The following BCL2L14 variants were observed in gnomAD, a reference collection of about 807,000 sequenced individuals.
BCL2L14 encodes BCL2 like 14.
In BCL2L14, 27 loss-of-function variants were observed where a neutral mutation model predicts 35.3. The ratio of observed to expected loss-of-function variants is 0.76; its 90% confidence interval spans 0.56 to 1.05. BCL2L14 has a LOEUF of 1.05. Ranked by LOEUF, BCL2L14 falls within the 50% of genes least tolerant of loss-of-function variation. The pLI, the probability that BCL2L14 is intolerant of heterozygous loss-of-function variation, is 0.00. For missense variants in BCL2L14, 377 were observed against 382.6 expected (o/e 0.99, Z 0.12); for synonymous variants, 139 against 145.9 (o/e 0.95, Z 0.34).
intron 5 of BCL2L14, chr12:12,096,211 C>A (rs1328557362): frequency 2.2e-6 from 2 of 915,792 alleles, no homozygotes; most frequent in East Asian, 2.4e-4. Context: ...TTTTAAAAAT[C>A]ATTGTTAGTC....
At chr12:12,053,594 AT>A (rs1037156227) in intron 2 of BCL2L14, among the ~76,000 whole-genome samples, 13 of 152,026 alleles carry the variant, frequency 8.6e-5, no homozygotes, top group Non-Finnish European at 1.9e-4. Flanking sequence ...CTAATTTTGT[AT>A]TTTTAGTAGA....
intron 2 of BCL2L14, among the ~76,000 whole-genome samples, chr12:12,080,658 C>T (rs966430435): frequency 6.6e-6 from 1 of 151,012 alleles, no homozygotes; most frequent in African/African-American, 2.4e-5. Context: ...TAACCAGGGG[C>T]TTGCTTGGGC....
At chr12:12,086,418 C>T (rs893442437) in intron 2 of BCL2L14, among the ~76,000 whole-genome samples, 3 of 152,214 alleles carry the variant, frequency 2.0e-5, no homozygotes, top group South Asian at 2.1e-4. Flanking sequence ...GCCCACCCCA[C>T]CTCCCCTCTT....
At chr12:12,072,287 C>T (rs1565455654) in intron 1 of BCL2L14, 3 of 152,240 alleles carry the variant, frequency 2.0e-5, no homozygotes, top group Non-Finnish European at 4.4e-5. Flanking sequence ...GAGCGAGAAC[C>T]GTGCGACAGT....
At chr12:12,054,297 G>A (rs2136706691) in intron 2 of BCL2L14, among the ~76,000 whole-genome samples, 1 of 152,296 alleles carries the variant, frequency 6.6e-6, no homozygotes, top group South Asian at 2.1e-4. Context: ...GAAGTCAGGA[G>A]TTCGAGACCA....
At chr12:12,069,652 G>A (rs1591812437), upstream of BCL2L14, among the ~76,000 whole-genome samples, 1 of 149,238 alleles carries the variant, frequency 6.7e-6, no homozygotes, top group African/African-American at 2.5e-5. Flanking sequence ...AGCTTGCAGT[G>A]AGCCAAGATC....
chr12:12,087,476 C>G (rs769821078), intron 3 of BCL2L14, 90 bp downstream of exon 3: 70 of 1,393,806 alleles, frequency 5.0e-5, no homozygotes, highest in Non-Finnish European at 6.7e-5. Flanking sequence ...GGCAACTTGA[C>G]AGTCTCCGCT....
At chr12:12,050,090 T>C (rs1948325261) in intron 1 of BCL2L14, 1 of 152,232 alleles carries the variant, frequency 6.6e-6, no homozygotes, top group South Asian at 2.1e-4. Context: ...ATATGGCAGA[T>C]AGTCTACTGA....
intron 1 of BCL2L14, among the ~76,000 whole-genome samples, chr12:12,076,630 C>T (rs79941920): frequency 6.6e-6 from 1 of 152,144 alleles, no homozygotes; most frequent in Admixed American, 6.5e-5. Flanking sequence ...CCAGCATCAC[C>T]TGATGTTGCA....
chr12:12,050,432 C>CA (rs774928633), intron 1 of BCL2L14, among the ~76,000 whole-genome samples: 3,004 of 69,926 alleles, frequency 0.043, 153 homozygotes, highest in African/African-American at 0.11. Flanking sequence ...GACACCATCT[C>CA]AAAAAAAAAA....
chr12:12,069,542 A>G (rs1948634889), upstream of BCL2L14, among the ~76,000 whole-genome samples: 1 of 141,660 alleles, frequency 7.1e-6, no homozygotes, highest in Non-Finnish European at 1.6e-5. Context: ...TACTAAAAAT[A>G]CAAAAAAAAA....
At chr12:12,062,370 T>C (rs552832933) in intron 2 of BCL2L14, among the ~76,000 whole-genome samples, 13 of 146,584 alleles carry the variant, frequency 8.9e-5, no homozygotes, top group Non-Finnish European at 1.6e-4. Context: ...GATTTATTGA[T>C]GGCGGTTCCA....
intron 2 of BCL2L14, among the ~76,000 whole-genome samples, chr12:12,064,879 C>T (rs140977119): frequency 8.3e-4 from 126 of 152,306 alleles, no homozygotes; most frequent in African/African-American, 2.6e-3. Flanking sequence ...TGGTGCAGGG[C>T]GTGATCTCTG....
intron 2 of BCL2L14, among the ~76,000 whole-genome samples, chr12:12,062,226 G>A (rs1411165490): frequency 7.4e-5 from 11 of 148,388 alleles, no homozygotes; most frequent in South Asian, 2.2e-4. Flanking sequence ...TTCCTGGCCC[G>A]GACTTCAATC....
At chr12:12,085,321 C>T (rs1949018938) in intron 2 of BCL2L14, among the ~76,000 whole-genome samples, 1 of 152,156 alleles carries the variant, frequency 6.6e-6, no homozygotes, top group African/African-American at 2.4e-5. Context: ...GCAGCAGAGG[C>T]CTGCTTTCCT....
intron 1 of BCL2L14, among the ~76,000 whole-genome samples, chr12:12,050,231 C>G (rs1479411044): frequency 6.6e-6 from 1 of 151,924 alleles, no homozygotes; most frequent in African/African-American, 2.4e-5. Flanking sequence ...TAGGAGGCCA[C>G]GACTAATGCC....
chr12:12,050,511 C>T (rs1948336037), intron 1 of BCL2L14, among the ~76,000 whole-genome samples: 1 of 148,858 alleles, frequency 6.7e-6, no homozygotes, highest in East Asian at 2.0e-4. Flanking sequence ...ATCCTAAGAG[C>T]AAAATGCCAA....
intron 2 of BCL2L14, chr12:12,055,253 A>G (rs1032823115): frequency 6.6e-6 from 1 of 152,164 alleles, no homozygotes; most frequent in African/African-American, 2.4e-5. Context: ...TGTAATTACA[A>G]TTTCATCTAG....
At chr12:12,055,895 G>T (rs984627645) in intron 2 of BCL2L14, 2 of 152,144 alleles carry the variant, frequency 1.3e-5, no homozygotes, top group Non-Finnish European at 2.9e-5. Flanking sequence ...CCAAACTTTA[G>T]TCAGGTTCCT....
Sources: gnomAD v4.1 joint callset for allele counts (sites outside exome capture counted in the v4.1 genomes callset) on GRCh38, gnomAD v4.1.1 for gene constraint, MANE v1.5 for transcripts, NCBI Gene and HGNC (gene_info 2026-07-23, HGNC 2026-07-21) for gene names.